The following CLSTN1 variants were observed in gnomAD, a reference collection of about 807,000 sequenced individuals.
The protein encoded by CLSTN1 is calsyntenin-1.
Under a neutral mutation model 108.3 loss-of-function variants are expected in CLSTN1, and 28 were observed. The observed-to-expected ratio is 0.26, with a 90% confidence interval of 0.19 to 0.35. The LOEUF (loss-of-function observed/expected upper bound fraction) is 0.35, where lower values mean the gene tolerates loss of function less well. Among genes scored for constraint, CLSTN1 ranks in the 10% least tolerant of loss-of-function variants. CLSTN1 has a pLI of 1.00. For synonymous variants in CLSTN1, 524 were observed against 534.9 expected (o/e 0.98, Z 0.28); for missense variants, 1,157 against 1,302.6 (o/e 0.89, Z 1.72).
At chr1:9,777,312 G>A (rs1209294920) in intron 1 of CLSTN1, among the ~76,000 whole-genome samples, 1 of 151,230 alleles carries the variant, frequency 6.6e-6, no homozygotes, top group Non-Finnish European at 1.5e-5. Flanking sequence ...TTGAAGTCAG[G>A]AGTTCAAGGC....
intron 1 of CLSTN1, among the ~76,000 whole-genome samples, chr1:9,783,773 G>C (rs1231510182): frequency 3.3e-5 from 5 of 150,666 alleles, no homozygotes; most frequent in African/African-American, 1.2e-4. Flanking sequence ...TGAGCAGATG[G>C]CCTGAGGTCA....
intron 5 of CLSTN1, among the ~76,000 whole-genome samples, chr1:9,750,715 CA>C (rs775430059): frequency 0.033 from 2,539 of 77,160 alleles, 71 homozygotes; most frequent in Middle Eastern, 0.088. Context: ...TTCCCTCAAA[CA>C]AAAAAAAAAA....
chr1:9,812,494 G>C lies in CLSTN1; in HGVS notation c.91+11149C>G, dbSNP rs114294386. On this transcript the variant is annotated intron_variant, in intron 1 of 18. Coordinates refer to ENST00000377298, the MANE Select transcript of CLSTN1 (RefSeq NM_001009566.3). ...TGTCATCTAGTTTTATCAATACTCA[G>C]GGCCAGTTTCCTGCATGTGCCAGGA... is the stretch of plus-strand genomic sequence containing the variant. Among the ~76,000 whole-genome samples the C allele has an allele frequency of 6.1e-3, 928 of 152,238 alleles. 13 individuals carry two copies. Among genetic ancestry groups the C allele is most frequent in the African/African-American group, 0.021 (882 of 41,538 alleles).
chr1:9,799,136 G>T (rs554083032), intron 1 of CLSTN1, among the ~76,000 whole-genome samples: 1 of 152,202 alleles, frequency 6.6e-6, no homozygotes, highest in Admixed American at 6.6e-5. Flanking sequence ...AGCCCTGATC[G>T]TGCCACTGAA....
intron 2 of CLSTN1, among the ~76,000 whole-genome samples, chr1:9,765,833 C>T (rs1236776268): frequency 2.0e-5 from 3 of 152,086 alleles, no homozygotes; most frequent in Admixed American, 1.3e-4. Flanking sequence ...GCCAAGATCG[C>T]GCCACTGCAC....
chr1:9,822,727 T>G lies in CLSTN1; in HGVS notation c.91+916A>C, dbSNP rs114402451. On this transcript the variant is annotated intron_variant, in intron 1 of 18. Transcript: ENST00000377298. ...AGTCAATAGCAGAGGCATGCAAGGT[T>G]TAAAAGGTTAAGTGGATGAAGGTTA... is the stretch of plus-strand genomic sequence containing the variant. 1.7e-3 allele frequency among the ~76,000 whole-genome samples: 252 copies of G among 152,202 alleles called. 3 individuals carry two copies. Among genetic ancestry groups the G allele is most frequent in the Middle Eastern group, 0.01 (3 of 294 alleles).
intron 1 of CLSTN1, among the ~76,000 whole-genome samples, chr1:9,795,966 A>G (rs1398006224): frequency 6.6e-6 from 1 of 150,504 alleles, no homozygotes; most frequent in East Asian, 2.0e-4. Context: ...ACCTCCAAAA[A>G]AAAAAAAAAA....
chr1:9,809,207 G>T (rs1654627515), intron 1 of CLSTN1, among the ~76,000 whole-genome samples: 2 of 152,182 alleles, frequency 1.3e-5, no homozygotes, highest in Admixed American at 1.3e-4. Flanking sequence ...TCCCTGAGAA[G>T]ACACAGGATG....
intron 1 of CLSTN1, among the ~76,000 whole-genome samples, chr1:9,781,760 G>A (rs933090317): frequency 6.6e-6 from 1 of 151,748 alleles, no homozygotes; most frequent in Non-Finnish European, 1.5e-5. Context: ...TTTTTTTAAC[G>A]GCTCTAATGC....
intron 1 of CLSTN1, among the ~76,000 whole-genome samples, chr1:9,810,992 C>T (rs1654733171): frequency 6.6e-6 from 1 of 152,086 alleles, no homozygotes; most frequent in Admixed American, 6.6e-5. Context: ...TGTTCAGACC[C>T]ACTGCCATAT....
chr1:9,730,387 G>T lies in CLSTN1; in HGVS notation c.*121C>A. The T allele has an allele frequency of 1.2e-6, 1 of 866,404 alleles. No homozygotes were observed. The highest frequency in any genetic ancestry group is 2.4e-5 in the East Asian group (1 of 41,070). 53.7% of individuals were successfully genotyped at this position (866,404 alleles called of 1,614,324 possible). A position where few individuals can be genotyped will look rare whatever the true frequency, so the allele number is the denominator to read the frequency against. ...CACCAAGCACAGCGACGATCGTGGC[G>T]GGGAGGGGTCTGCACACCTACTGGC... is the stretch of plus-strand genomic sequence containing the variant. On this transcript the variant is annotated 3_prime_UTR_variant, in exon 19 of 19. Transcript: ENST00000377298. The surrounding 1 kb of genome is among the most constrained non-coding windows in gnomAD (Gnocchi z 5.6).
intron 2 of CLSTN1, among the ~76,000 whole-genome samples, chr1:9,770,367 G>GA (rs566879214): frequency 1.3e-5 from 2 of 152,234 alleles, no homozygotes; most frequent in African/African-American, 4.8e-5. Flanking sequence ...AATACAGTAA[G>GA]AAAAAAATAT....
At chr1:9,801,028 C>G (rs1654242139) in intron 1 of CLSTN1, among the ~76,000 whole-genome samples, 1 of 152,048 alleles carries the variant, frequency 6.6e-6, no homozygotes, top group South Asian at 2.1e-4. Flanking sequence ...AGATGGATCA[C>G]CTGAGATCAG....
At chr1:9,740,774 C>T (rs925905186) in intron 10 of CLSTN1, among the ~76,000 whole-genome samples, 3 of 152,196 alleles carry the variant, frequency 2.0e-5, no homozygotes, top group Non-Finnish European at 4.4e-5. Context: ...TCCTTGTGAA[C>T]CTTTCAATAA....
intron 10 of CLSTN1, among the ~76,000 whole-genome samples, chr1:9,739,659 C>T (rs1650869718): frequency 6.6e-6 from 1 of 152,066 alleles, no homozygotes; most frequent in Non-Finnish European, 1.5e-5. Context: ...GCCTGGGCAA[C>T]ACAGTGAGAC....
chr1:9,798,902 C>T (rs112203122), intron 1 of CLSTN1, among the ~76,000 whole-genome samples: 4 of 152,108 alleles, frequency 2.6e-5, no homozygotes, highest in East Asian at 1.9e-4. Context: ...AGACAGGCTG[C>T]GTGTGATGGC....
intron 1 of CLSTN1, among the ~76,000 whole-genome samples, chr1:9,780,453 A>C (rs1557711953): frequency 2.6e-5 from 4 of 152,168 alleles, no homozygotes. Context: ...CCAAATGGAA[A>C]GGCCTGCAGC....
chr1:9,757,751 T>C (rs1303557873), intron 2 of CLSTN1, among the ~76,000 whole-genome samples: 1 of 152,120 alleles, frequency 6.6e-6, no homozygotes, highest in East Asian at 1.9e-4. Context: ...ACCAAGTCAA[T>C]ATATATCCTG....
chr1:9,784,449 C>T (rs1192655214), intron 1 of CLSTN1, among the ~76,000 whole-genome samples: 1 of 152,056 alleles, frequency 6.6e-6, no homozygotes, highest in Non-Finnish European at 1.5e-5. Flanking sequence ...TACAGGCTGC[C>T]GTGAGCCAAG....
Sources: gnomAD v4.1 joint callset for allele counts (sites outside exome capture counted in the v4.1 genomes callset) on GRCh38, gnomAD v4.1.1 for gene constraint, Gnocchi (gnomAD v3.1) non-coding constraint, MANE v1.5 for transcripts, NCBI Gene and HGNC (gene_info 2026-07-23, HGNC 2026-07-21) for gene names.